The following CNTNAP2 variants were observed in gnomAD, a reference collection of about 807,000 sequenced individuals.
CNTNAP2 encodes the protein contactin associated protein 2.
CNTNAP2 carries 98 observed loss-of-function variants against 155.2 expected under a neutral mutation model. That is an observed-to-expected ratio of 0.63 (90% CI 0.54 to 0.75). The LOEUF (loss-of-function observed/expected upper bound fraction) is 0.75. CNTNAP2 is among the 30% of genes least tolerant of loss of function. CNTNAP2 has a pLI of 0.00. For missense variants in CNTNAP2, 1,727 were observed against 1,688.1 expected (o/e 1.02, Z -0.40); for synonymous variants, 651 against 631.2 (o/e 1.03, Z -0.47).
At chr7:146,605,040 A>G (rs1159887573) in intron 1 of CNTNAP2, among the ~76,000 whole-genome samples, 1 of 147,600 alleles carries the variant, frequency 6.8e-6, no homozygotes, top group African/African-American at 2.5e-5. Flanking sequence ...TAACCTGCAC[A>G]ATGTGCACAT....
intron 19 of CNTNAP2, among the ~76,000 whole-genome samples, chr7:148,228,374 T>C (rs1167352422): frequency 6.6e-6 from 1 of 152,166 alleles, no homozygotes; most frequent in Non-Finnish European, 1.5e-5. Context: ...AAAAAGAATA[T>C]ACTGTTGAGG....
intron 1 of CNTNAP2, among the ~76,000 whole-genome samples, chr7:146,739,141 G>T (rs565338562): frequency 5.3e-5 from 8 of 151,420 alleles, no homozygotes; most frequent in Non-Finnish European, 1.0e-4. Context: ...ATTGATTTCT[G>T]CCCTGGTCCT....
chr7:146,169,414 G>T (rs1188035021), intron 1 of CNTNAP2, among the ~76,000 whole-genome samples: 1 of 152,150 alleles, frequency 6.6e-6, no homozygotes, highest in Admixed American at 6.6e-5. Context: ...ATAATGTGAT[G>T]ATTTGATGCA....
intron 15 of CNTNAP2, among the ~76,000 whole-genome samples, chr7:148,052,310 A>T (rs552252503): frequency 6.7e-6 from 1 of 148,176 alleles, no homozygotes; most frequent in African/African-American, 2.5e-5. Flanking sequence ...ATATGTTTTT[A>T]AAAACTTTTA....
intron 2 of CNTNAP2, among the ~76,000 whole-genome samples, chr7:146,792,001 G>A (rs1220999284): frequency 2.0e-5 from 3 of 152,172 alleles, no homozygotes; most frequent in Non-Finnish European, 4.4e-5. Flanking sequence ...CTTCAGAAGT[G>A]TTATCTGTGT....
At position 148,348,805 on chromosome 7, in the gene CNTNAP2, T is replaced by G. The variant is rs1194029755; in HGVS notation, c.3476-34844T>G. Among the ~76,000 whole-genome samples, 5 of 152,198 alleles carry G rather than the reference T, an allele frequency of 3.3e-5. No homozygotes were observed. In the East Asian group the frequency reaches 9.6e-4, roughly 29 times the overall value. On this transcript the variant is annotated intron_variant, in intron 21 of 23. Transcript: ENST00000361727. ...TATGAACAGCTTCAATCACACAGAT[T>G]TTGGGCAGATTCACTACCTAATCGG...
chr7:146,128,132 C>CT (rs369488316), intron 1 of CNTNAP2, among the ~76,000 whole-genome samples: 1 of 152,250 alleles, frequency 6.6e-6, no homozygotes, highest in East Asian at 1.9e-4. Flanking sequence ...ACATTACTCT[C>CT]TTTTCTATTA....
At chr7:147,465,932 T>A (rs1250228195) in intron 10 of CNTNAP2, among the ~76,000 whole-genome samples, 1 of 57,776 alleles carries the variant, frequency 1.7e-5, no homozygotes, top group African/African-American at 1.1e-4. Flanking sequence ...TAATTGTATC[T>A]AATGTGTGTG....
At chr7:147,325,727 A>T (rs1347602770) in intron 9 of CNTNAP2, among the ~76,000 whole-genome samples, 1 of 152,240 alleles carries the variant, frequency 6.6e-6, no homozygotes, top group African/African-American at 2.4e-5. Flanking sequence ...GATTAAACAC[A>T]TAAAGCATAA....
chr7:147,849,867 A>T (rs1230791105), intron 13 of CNTNAP2: 1 of 152,248 alleles, frequency 6.6e-6, no homozygotes, highest in Non-Finnish European at 1.5e-5. Flanking sequence ...ACAAACCAAA[A>T]ATGGAAGAGG....
chr7:148,012,761 C>T (rs932222087), intron 15 of CNTNAP2, among the ~76,000 whole-genome samples: 1 of 152,124 alleles, frequency 6.6e-6, no homozygotes, highest in Non-Finnish European at 1.5e-5. Context: ...TCCATAAATT[C>T]CAAGTTCCCG....
rs1427925728 is a variant in CNTNAP2 at position 146,622,214 on chromosome 7, CGT to C, written c.98-152048_98-152047del. Among the ~76,000 whole-genome samples the C allele has an allele frequency of 6.4e-4, 91 of 143,288 alleles. 1 individual carries two copies. In the East Asian group the frequency reaches 0.012, roughly 19 times the overall value. 94.0% of individuals were successfully genotyped at this position (143,288 alleles called of 152,430 possible). ...ATACATATATATACACACATATACA[CGT>C]GTGTGTGTATATATATATGTGTGTG... On this transcript the variant is annotated intron_variant, in intron 1 of 23. Coordinates refer to ENST00000361727, the MANE Select transcript of CNTNAP2 (RefSeq NM_014141.6).
intron 15 of CNTNAP2, among the ~76,000 whole-genome samples, chr7:148,019,324 T>G (rs971657795): frequency 6.6e-6 from 1 of 152,198 alleles, no homozygotes. Context: ...CCACCCAGTG[T>G]CCTTCCAACA....
At chr7:146,674,525 A>C (rs539317046) in intron 1 of CNTNAP2, among the ~76,000 whole-genome samples, 1 of 151,076 alleles carries the variant, frequency 6.6e-6, no homozygotes, top group Admixed American at 6.6e-5. Flanking sequence ...AAAAAAAAGC[A>C]TTTTTCTTCC....
intron 11 of CNTNAP2, among the ~76,000 whole-genome samples, chr7:147,544,470 A>G (rs1799694566): frequency 6.6e-6 from 1 of 152,152 alleles, no homozygotes; most frequent in Non-Finnish European, 1.5e-5. Flanking sequence ...GGGTACTTTC[A>G]TTTATTTCTG....
intron 11 of CNTNAP2, among the ~76,000 whole-genome samples, chr7:147,533,822 T>C (rs554640137): frequency 6.6e-6 from 1 of 152,276 alleles, no homozygotes; most frequent in Non-Finnish European, 1.5e-5. Flanking sequence ...CTGGCTTCAG[T>C]TGTACTAGCA....
At chr7:147,948,305 G>T (rs774487858) in intron 14 of CNTNAP2, among the ~76,000 whole-genome samples, 2 of 151,974 alleles carry the variant, frequency 1.3e-5, no homozygotes, top group Non-Finnish European at 1.5e-5. Context: ...ATAACTGAAA[G>T]AGTGTGATTG....
At chr7:146,363,168 A>T (rs1173768628) in intron 1 of CNTNAP2, among the ~76,000 whole-genome samples, 1 of 152,134 alleles carries the variant, frequency 6.6e-6, no homozygotes, top group Admixed American at 6.6e-5. Context: ...AACATGTACT[A>T]ATTTTTTCTA....
At chr7:147,195,610 G>A (rs568747035) in intron 8 of CNTNAP2, among the ~76,000 whole-genome samples, 129 of 152,046 alleles carry the variant, frequency 8.5e-4, no homozygotes, top group Middle Eastern at 6.8e-3. Context: ...GTGGTTTTTA[G>A]TTCTCCTTGA....
Sources: gnomAD v4.1 joint callset for allele counts (sites outside exome capture counted in the v4.1 genomes callset) on GRCh38, gnomAD v4.1.1 for gene constraint, MANE v1.5 for transcripts, NCBI Gene and HGNC (gene_info 2026-07-23, HGNC 2026-07-21) for gene names.